Variants in CTTNBP2 observed in about 807,000 individuals in gnomAD.
The protein encoded by CTTNBP2 is cortactin binding protein 2.
CTTNBP2 carries 108 observed loss-of-function variants against 156.9 expected under a neutral mutation model. The ratio of observed to expected loss-of-function variants is 0.69; its 90% CI spans 0.59 to 0.81. The LOEUF (loss-of-function observed/expected upper bound fraction) is 0.81, where lower values mean the gene tolerates loss of function less well. CTTNBP2 is among the 30% of genes least tolerant of loss of function. The pLI is 0.00. For synonymous variants in CTTNBP2, 767 were observed against 751.8 expected (o/e 1.02, Z -0.33); for missense variants, 1,924 against 2,035.4 (o/e 0.95, Z 1.05).
At chr7:117,806,744 ATTTTTTTT>A (rs3059529) in intron 3 of CTTNBP2, among the ~76,000 whole-genome samples, 9 of 119,228 alleles carry the variant, frequency 7.5e-5, no homozygotes, top group Non-Finnish European at 1.4e-4. Flanking sequence ...TCTTTTTCTC[ATTTTTTTT>A]TTTTTTTTTT....
chr7:117,731,483 C>T (rs1248346445), intron 16 of CTTNBP2, among the ~76,000 whole-genome samples: 2 of 152,212 alleles, frequency 1.3e-5, no homozygotes, highest in Admixed American at 6.5e-5. Flanking sequence ...AACACTAGCT[C>T]TCTGAGGGTG....
intron 14 of CTTNBP2, among the ~76,000 whole-genome samples, chr7:117,745,416 G>A (rs999675640): frequency 6.6e-6 from 1 of 152,170 alleles, no homozygotes; most frequent in African/African-American, 2.4e-5. Context: ...GCAGCACTAA[G>A]GGATGTATTG....
intron 14 of CTTNBP2, among the ~76,000 whole-genome samples, chr7:117,737,811 T>A (rs913106375): frequency 2.6e-5 from 4 of 152,078 alleles, no homozygotes; most frequent in African/African-American, 7.2e-5. Flanking sequence ...AAGTCCTGAC[T>A]TCGTGATCCA....
intron 2 of CTTNBP2, among the ~76,000 whole-genome samples, chr7:117,852,911 T>C (rs1178025968): frequency 1.8e-4 from 28 of 152,060 alleles, no homozygotes; most frequent in Admixed American, 1.8e-3. Context: ...GGGAGAGACA[T>C]GGTGAGGGCT....
At chr7:117,790,583 C>T (rs1798937319) in intron 4 of CTTNBP2, among the ~76,000 whole-genome samples, 1 of 150,262 alleles carries the variant, frequency 6.7e-6, no homozygotes, top group African/African-American at 2.5e-5. Flanking sequence ...AATATTCACA[C>T]TCCATTTCTG....
intron 1 of CTTNBP2, among the ~76,000 whole-genome samples, chr7:117,872,382 C>G (rs1024143861): frequency 1.3e-5 from 2 of 152,196 alleles, no homozygotes; most frequent in African/African-American, 4.8e-5. Context: ...GCAGCCAGAT[C>G]TGGCCAAGAG....
chr7:117,758,026 A>G (rs1479860762), intron 10 of CTTNBP2, 56 bp from the exon 11 acceptor site: 2 of 1,238,552 alleles, frequency 1.6e-6, no homozygotes, highest in South Asian at 1.3e-5. Context: ...GGTTTTTCTC[A>G]CAAGGGTAAA....
intron 2 of CTTNBP2, among the ~76,000 whole-genome samples, chr7:117,856,742 C>G (rs1803346674): frequency 6.6e-6 from 1 of 152,102 alleles, no homozygotes; most frequent in Admixed American, 6.6e-5. Context: ...CAAAGGAATT[C>G]ATTGTTTAAA....
intron 11 of CTTNBP2, 22 bp downstream of exon 11, chr7:117,757,853 C>T (rs1796972177): frequency 6.5e-7 from 1 of 1,536,666 alleles, no homozygotes; most frequent in Non-Finnish European, 8.9e-7. Flanking sequence ...TTAAACGTCA[C>T]CTTAGTTAGG....
At chr7:117,715,992 T>G (rs932268968) in intron 22 of CTTNBP2, 2 of 152,138 alleles carry the variant, frequency 1.3e-5, no homozygotes. Context: ...CTTTGCCCTC[T>G]GCTGGCACTT....
intron 2 of CTTNBP2, among the ~76,000 whole-genome samples, chr7:117,854,783 AATTT>A (rs1202480646): frequency 6.6e-6 from 1 of 151,096 alleles, no homozygotes; most frequent in Non-Finnish European, 1.5e-5. Flanking sequence ...TTAATTAATT[AATTT>A]ATTTATTTAT....
chr7:117,760,950 T>C (rs1241561174), intron 9 of CTTNBP2, among the ~76,000 whole-genome samples: 1 of 152,174 alleles, frequency 6.6e-6, no homozygotes, highest in African/African-American at 2.4e-5. Context: ...CTTTGGCTTT[T>C]TCTATTTCAT....
rs368090208 is a variant in CTTNBP2 at position 117,847,160 on chromosome 7, GA to G, written c.189+14048del. On this transcript the variant is annotated intron_variant, in intron 2 of 22. Transcript: ENST00000160373. ...TTTTAAATCATTTCAGGGGCATCCA[GA>G]AAAAAAAAAATGCACAAGCTGGTTT... 1.8e-3 allele frequency among the ~76,000 whole-genome samples: 261 copies of G among 144,138 alleles called. 1 individual carries two copies. Among genetic ancestry groups the G allele is most frequent in the East Asian group, 9.6e-3 (48 of 5,016 alleles). The allele number at this position is 144,138 out of a possible 152,430, so 94.6% of individuals were successfully genotyped here.
At chr7:117,839,454 T>A (rs2117123439) in intron 2 of CTTNBP2, among the ~76,000 whole-genome samples, 1 of 148,194 alleles carries the variant, frequency 6.7e-6, no homozygotes, top group East Asian at 2.0e-4. Context: ...TTTGGCAAAA[T>A]CCTCTAGTCA....
intron 4 of CTTNBP2, among the ~76,000 whole-genome samples, chr7:117,789,027 A>G (rs1203875399): frequency 6.6e-6 from 1 of 152,188 alleles, no homozygotes; most frequent in Non-Finnish European, 1.5e-5. Flanking sequence ...CTCTCCAGAC[A>G]TAAGTGAAGG....
At chr7:117,812,935 A>G (rs886199179) in intron 2 of CTTNBP2, among the ~76,000 whole-genome samples, 15 of 152,196 alleles carry the variant, frequency 9.9e-5, no homozygotes, top group Non-Finnish European at 1.8e-4. Flanking sequence ...TTCATCAGCT[A>G]GCATCTGCTG....
chr7:117,791,542 G>C lies in CTTNBP2; in HGVS notation c.1654C>G (p.Leu552Val). Residue 552 changes from leucine to valine, a missense_variant, in exon 4 of 23, where the codon CTC becomes GTC. By Grantham distance (32) the Leu-to-Val change is conservative (BLOSUM62 1). Transcript: ENST00000160373. The part of the protein sequence containing the change: ...PPPIPPKKPG[L>V]SQTPSPPHPQ... The stretch of plus-strand genomic sequence containing the variant: ...TGTGGTGGAGAAGGAGTTTGGGAGA[G>C]CCCTGGCTTTTTTGGAGGGATAGGA... The C allele has an allele frequency of 6.2e-7, 1 of 1,614,164 alleles. No individual in the cohort carries two copies. The highest frequency in any genetic ancestry group is 8.5e-7 in the Non-Finnish European group (1 of 1,180,022).
chr7:117,776,140 T>C (rs748331038), intron 8 of CTTNBP2, among the ~76,000 whole-genome samples: 2 of 152,208 alleles, frequency 1.3e-5, no homozygotes, highest in African/African-American at 2.4e-5. Context: ...TTGATCAAAA[T>C]GATGTCTTTT....
rs1796046055 is a variant in CTTNBP2, at chr7:117,741,953, TA to T, written c.3535+3877del. Reference sequence around the variant, plus strand: ...ATTTATATGCAAGCTAAGAGAAGAATAAGTTAAAGTGCTAGCCTTCAAGGAG... The same window carrying T: ...ATTTATATGCAAGCTAAGAGAAGAATAGTTAAAGTGCTAGCCTTCAAGGAG... On this transcript the variant is annotated intron_variant, in intron 14 of 22. Transcript: ENST00000160373. Among the ~76,000 whole-genome samples, 3 of 152,160 alleles carry T rather than the reference TA, an allele frequency of 2.0e-5. No individual in the cohort carries two copies. In the South Asian group the frequency reaches 6.2e-4, roughly 31 times the overall value.
Sources: allele counts gnomAD v4.1 joint callset (sites outside exome capture counted in the v4.1 genomes callset), GRCh38; gene constraint gnomAD v4.1.1; transcripts MANE v1.5; gene names NCBI Gene and HGNC (gene_info 2026-07-23, HGNC 2026-07-21).